GTF2IRD1: variants seen among roughly 807,000 people sequenced by gnomAD.
GTF2IRD1 encodes GTF2I repeat domain containing 1.
In GTF2IRD1, 26 loss-of-function variants were observed where a neutral mutation model predicts 113.2. That is an observed-to-expected ratio of 0.23 (90% CI 0.17 to 0.32). The LOEUF (loss-of-function observed/expected upper bound fraction) is 0.32, where lower values mean the gene tolerates loss of function less well. Among genes scored for constraint, GTF2IRD1 ranks in the 10% least tolerant of loss-of-function variants. GTF2IRD1 has a pLI of 1.00. For missense variants in GTF2IRD1, 864 were observed against 1,280.8 expected, an observed-to-expected ratio of 0.67 and a Z score of 4.97; for synonymous variants, 484 against 529.1, an observed-to-expected ratio of 0.91 and a Z score of 1.17.
intron 22 of GTF2IRD1, among the ~76,000 whole-genome samples, chr7:74,561,990 C>T (rs1319758483): frequency 3.3e-5 from 5 of 152,060 alleles, no homozygotes; most frequent in African/African-American, 1.2e-4. Flanking sequence ...CCTTTCCAGG[C>T]GTTGGCACCC....
intron 1 of GTF2IRD1, among the ~76,000 whole-genome samples, chr7:74,488,916 C>A (rs1408101091): frequency 6.6e-6 from 1 of 151,440 alleles, no homozygotes; most frequent in Non-Finnish European, 1.5e-5. Context: ...GCCAAGGTGG[C>A]GGATCACCTG....
chr7:74,535,215 G>A, intron 10 of GTF2IRD1, 77 bp downstream of exon 10: 1 of 1,172,164 alleles, frequency 8.5e-7, no homozygotes, highest in Non-Finnish European at 1.3e-6. Context: ...CACCACCCTG[G>A]ACTTGGTCCT....
chr7:74,509,686 G>GTTTTT (rs1368433978), intron 2 of GTF2IRD1, among the ~76,000 whole-genome samples: 2 of 151,844 alleles, frequency 1.3e-5, no homozygotes, highest in Non-Finnish European at 2.9e-5. Context: ...GTTTTGTTTT[G>GTTTTT]TTTTTGAGAC....
intron 1 of GTF2IRD1, among the ~76,000 whole-genome samples, chr7:74,454,934 TG>T (rs148645017): frequency 0.021 from 3,183 of 152,210 alleles, 107 homozygotes; most frequent in African/African-American, 0.073. Context: ...CTGGGCATGA[TG>T]GGCTTGACAC....
At chr7:74,597,850 C>A (rs1554372843) in intron 25 of GTF2IRD1, among the ~76,000 whole-genome samples, 2 of 152,138 alleles carry the variant, frequency 1.3e-5, no homozygotes, top group African/African-American at 4.8e-5. Flanking sequence ...CCACACGGCC[C>A]AGTATGGCTG....
intron 24 of GTF2IRD1, 72 bp from the exon 25 acceptor site, chr7:74,594,942 A>G: frequency 5.6e-6 from 6 of 1,070,394 alleles, no homozygotes; most frequent in Non-Finnish European, 8.5e-6. Flanking sequence ...ACCGAGTGAG[A>G]CTCCATCTCA....
rs1468397023 is a variant in GTF2IRD1, at chr7:74,512,560, A to G, written c.124-270A>G. On this transcript the variant is annotated intron_variant, in intron 2 of 26. Coordinates refer to ENST00000424337, the MANE Select transcript of GTF2IRD1 (RefSeq NM_005685.4). The surrounding 1 kb of genome is among the most constrained non-coding windows in gnomAD (Gnocchi z 4.4). ...CGGCATTGTCCCTGGGGCTGGGGCT[A>G]AGGGGGGCCTACCCCAAGGAGGAGG... Among the ~76,000 whole-genome samples, 1 of 152,170 alleles carries G rather than the reference A, an allele frequency of 6.6e-6. No individual in the cohort carries two copies. The highest frequency in any genetic ancestry group is 1.5e-5 in the Non-Finnish European group (1 of 68,018).
chr7:74,459,098 G>A (rs949441340), intron 1 of GTF2IRD1, among the ~76,000 whole-genome samples: 33 of 152,236 alleles, frequency 2.2e-4, no homozygotes, highest in African/African-American at 7.9e-4. Context: ...ATGGAGGGTC[G>A]TGCAGAAAGG....
At chr7:74,576,672 G>A (rs1370817468) in intron 22 of GTF2IRD1, among the ~76,000 whole-genome samples, 1 of 118,654 alleles carries the variant, frequency 8.4e-6, no homozygotes, top group African/African-American at 3.2e-5. Flanking sequence ...TCAGGCTGGA[G>A]TGCAGTGGCG....
chr7:74,568,826 AG>A, intron 22 of GTF2IRD1, among the ~76,000 whole-genome samples: 1 of 151,920 alleles, frequency 6.6e-6, no homozygotes. Context: ...TCAGGTTTCT[AG>A]AGGGAGGGCT....
chr7:74,547,934 C>T (rs1322105430), intron 17 of GTF2IRD1, among the ~76,000 whole-genome samples: 2 of 152,152 alleles, frequency 1.3e-5, no homozygotes, highest in Admixed American at 6.6e-5. Context: ...CATCAGCTCA[C>T]GGGTTCTCCA....
Position 74,602,461 on chromosome 7 carries a change from CAGAA to C in GTF2IRD1, c.*32_*35del. The stretch of plus-strand genomic sequence containing the variant: ...CTCAGTACTGAATCAGGACCTCACT[CAGAA>C]AGACTAAAGGAAATGTAATTTATGT... On this transcript the variant is annotated 3_prime_UTR_variant, in exon 27 of 27. Coordinates refer to ENST00000424337, the MANE Select transcript of GTF2IRD1 (RefSeq NM_005685.4). 6.3e-7 allele frequency: 1 copy of C among 1,581,410 alleles called. No individual in the cohort carries two copies. Among genetic ancestry groups the C allele is most frequent in the Non-Finnish European group, 8.7e-7 (1 of 1,152,858 alleles).
intron 1 of GTF2IRD1, among the ~76,000 whole-genome samples, chr7:74,479,160 C>T (rs369282010): frequency 9.6e-4 from 146 of 152,276 alleles, no homozygotes; most frequent in African/African-American, 3.4e-3. Context: ...AAGCATGACC[C>T]GACAGTTCCT....
intron 6 of GTF2IRD1, among the ~76,000 whole-genome samples, chr7:74,520,089 CAAAAAAAAAAAAAA>C (rs61019711): frequency 5.7e-4 from 14 of 24,574 alleles, no homozygotes; most frequent in Admixed American, 7.4e-4. Flanking sequence ...AGCTCTGTCT[CAAAAAAAAAAAAAA>C]AAAAAAAAAA....
chr7:74,493,475 T>C (rs1488828211), intron 1 of GTF2IRD1, among the ~76,000 whole-genome samples: 1 of 152,052 alleles, frequency 6.6e-6, no homozygotes, highest in Admixed American at 6.6e-5. Flanking sequence ...GCCAGAATAA[T>C]CCCCTACCTC....
chr7:74,488,793 T>TG lies in GTF2IRD1; in HGVS notation c.-6-19275dup, dbSNP rs572224393. 9.5e-3 allele frequency among the ~76,000 whole-genome samples: 1,436 copies of TG among 151,368 alleles called. 20 individuals carry two copies. Among genetic ancestry groups the TG allele is most frequent in the South Asian group, 0.017 (81 of 4,788 alleles). On this transcript the variant is annotated intron_variant, in intron 1 of 26. Coordinates refer to ENST00000424337, the MANE Select transcript of GTF2IRD1 (RefSeq NM_005685.4). ...GAGAGAAGAAAAGAAACTCTAGTCC[T>TG]GGGGGGGTAAAAAAGGAAAGAAGAA... is the stretch of plus-strand genomic sequence containing the variant.
At chr7:74,489,739 C>T (rs1554336294) in intron 1 of GTF2IRD1, among the ~76,000 whole-genome samples, 1 of 152,180 alleles carries the variant, frequency 6.6e-6, no homozygotes. Context: ...TTACACCTGT[C>T]CCAGCTAGGG....
chr7:74,477,802 A>C (rs1794511825), intron 1 of GTF2IRD1, among the ~76,000 whole-genome samples: 1 of 152,166 alleles, frequency 6.6e-6, no homozygotes, highest in African/African-American at 2.4e-5. Flanking sequence ...CCAGCGCCCC[A>C]GGATTAGATC....
rs76351245 is a variant in GTF2IRD1 at position 74,494,535 on chromosome 7, T to C, written c.-6-13540T>C. 0.025 allele frequency among the ~76,000 whole-genome samples: 3,807 copies of C among 152,290 alleles called. 407 individuals are homozygous for C. The East Asian group carries it at 0.35, about 14-fold the overall frequency. The stretch of plus-strand genomic sequence containing the variant: ...ACGTGTTGGCGCTGCCCACACATTC[T>C]GTTGGTTCAAAGTGGGTCTTTATTC... On this transcript the variant is annotated intron_variant, in intron 1 of 26. Coordinates refer to ENST00000424337, the MANE Select transcript of GTF2IRD1 (RefSeq NM_005685.4).
Sources: allele counts gnomAD v4.1 joint callset (sites outside exome capture counted in the v4.1 genomes callset), GRCh38; gene constraint gnomAD v4.1.1; non-coding constraint Gnocchi (gnomAD v3.1); transcripts MANE v1.5; gene names NCBI Gene and HGNC (gene_info 2026-07-23, HGNC 2026-07-21).